Variants in TENM4 observed in about 807,000 individuals in gnomAD.
The protein encoded by TENM4 is teneurin-4.
TENM4 carries 82 observed loss-of-function variants against 243.3 expected under a neutral mutation model. That is an observed-to-expected ratio of 0.34 (90% CI 0.28 to 0.40). TENM4 has a LOEUF of 0.40. Among genes scored for constraint, TENM4 ranks in the 10% least tolerant of loss-of-function variants. The pLI, the probability that TENM4 is intolerant of heterozygous loss-of-function variation, is 1.00. For missense variants in TENM4, 3,138 were observed against 3,673.3 expected (o/e 0.85, Z 3.77); for synonymous variants, 1,412 against 1,456.3 (o/e 0.97, Z 0.69).
intron 6 of TENM4, among the ~76,000 whole-genome samples, chr11:79,006,882 G>A (rs1368672435): frequency 6.6e-6 from 1 of 152,240 alleles, no homozygotes; most frequent in Non-Finnish European, 1.5e-5. Flanking sequence ...ATGTTTCTGT[G>A]AAGGTGTTTT....
chr11:79,391,362 T>C (rs562231), intron 1 of TENM4, among the ~76,000 whole-genome samples: 64,334 of 151,886 alleles, frequency 0.42, 13,635 homozygotes, highest in Non-Finnish European at 0.46. Context: ...TCTCAGTTCC[T>C]TCCTCAGGGC....
intron 1 of TENM4, among the ~76,000 whole-genome samples, chr11:79,361,969 G>C (rs1023389388): frequency 6.6e-6 from 1 of 152,208 alleles, no homozygotes; most frequent in Non-Finnish European, 1.5e-5. Context: ...ACTAGGCCCT[G>C]TGTGCCTCAA....
At chr11:78,945,053 G>A (rs1394205388) in intron 6 of TENM4, among the ~76,000 whole-genome samples, 1 of 152,234 alleles carries the variant, frequency 6.6e-6, no homozygotes, top group African/African-American at 2.4e-5. Context: ...GAAAGCAAGA[G>A]TAATTTTGGA....
At chr11:79,120,272 A>G (rs1388618311) in intron 4 of TENM4, among the ~76,000 whole-genome samples, 1 of 152,244 alleles carries the variant, frequency 6.6e-6, no homozygotes, top group Non-Finnish European at 1.5e-5. Flanking sequence ...GAGATAGCTG[A>G]GGCTTTCTCT....
intron 4 of TENM4, among the ~76,000 whole-genome samples, chr11:79,129,731 C>A (rs1298271110): frequency 6.6e-6 from 1 of 152,114 alleles, no homozygotes; most frequent in African/African-American, 2.4e-5. Flanking sequence ...CACAGCAAGA[C>A]CCACCCAAGG....
chr11:79,397,804 C>T (rs1858376539), intron 1 of TENM4, among the ~76,000 whole-genome samples: 1 of 152,212 alleles, frequency 6.6e-6, no homozygotes. Flanking sequence ...TATGATTTTT[C>T]CCCCTCCTTT....
intron 2 of TENM4, among the ~76,000 whole-genome samples, chr11:79,248,262 C>T (rs1855554118): frequency 6.6e-6 from 1 of 152,198 alleles, no homozygotes. Flanking sequence ...ACAGAGTGTT[C>T]ACTCAATGGC....
chr11:79,315,964 G>A (rs4944227), intron 1 of TENM4, among the ~76,000 whole-genome samples: 30,859 of 152,150 alleles, frequency 0.2, 3,305 homozygotes, highest in African/African-American at 0.27. Flanking sequence ...CGAAACTGCA[G>A]TTACTTTTGC....
intron 7 of TENM4, among the ~76,000 whole-genome samples, chr11:78,898,454 C>T (rs936200453): frequency 6.6e-6 from 1 of 152,202 alleles, no homozygotes; most frequent in Non-Finnish European, 1.5e-5. Flanking sequence ...GGCTCCCATT[C>T]TGGTGGGGAC....
chr11:79,277,591 T>A (rs1344416774), intron 2 of TENM4, among the ~76,000 whole-genome samples: 1 of 152,070 alleles, frequency 6.6e-6, no homozygotes, highest in African/African-American at 2.4e-5. Flanking sequence ...TTGAAAATGG[T>A]GTGAGTGTGC....
At chr11:78,752,821 G>A (rs1856221895) in intron 19 of TENM4, among the ~76,000 whole-genome samples, 1 of 152,078 alleles carries the variant, frequency 6.6e-6, no homozygotes, top group African/African-American at 2.4e-5. Context: ...CTCCTCTCTG[G>A]GTGGTCGCTG....
chr11:78,701,684 C>T lies in TENM4; in HGVS notation c.4929G>A (p.Val1643=), dbSNP rs1440041801. ...RDSTGMPLWL[V]VPDGQVYWVT... is the part of the protein sequence containing the mutation. ...CCCAGTACACCTGGCCATCTGGGACCACCAGCCAGAGGGGCATCCCAGTAG... is the reference window on the plus strand; with the variant it reads ...CCCAGTACACCTGGCCATCTGGGACTACCAGCCAGAGGGGCATCCCAGTAG... Residue 1643 remains valine (V), a synonymous_variant, in exon 28 of 34, where the codon GTG becomes GTA. Coordinates refer to ENST00000278550, the MANE Select transcript of TENM4 (RefSeq NM_001098816.3). The T allele has an allele frequency of 6.2e-7, 1 of 1,613,840 alleles. No homozygotes were observed. The highest frequency in any genetic ancestry group is 1.3e-5 in the African/African-American group (1 of 74,908).
At chr11:78,990,398 G>A (rs1460106845) in intron 6 of TENM4, among the ~76,000 whole-genome samples, 2 of 152,108 alleles carry the variant, frequency 1.3e-5, no homozygotes, top group African/African-American at 4.8e-5. Context: ...CAATAGGACC[G>A]GAGCACCCTG....
At chr11:79,039,748 T>C (rs1859471210) in intron 6 of TENM4, among the ~76,000 whole-genome samples, 1 of 152,224 alleles carries the variant, frequency 6.6e-6, no homozygotes, top group Non-Finnish European at 1.5e-5. Flanking sequence ...CGTGTATACC[T>C]ATGTAACAAA....
chr11:78,823,706 T>C (rs1485100423), intron 12 of TENM4, among the ~76,000 whole-genome samples: 1 of 152,050 alleles, frequency 6.6e-6, no homozygotes, highest in Non-Finnish European at 1.5e-5. Flanking sequence ...TCCTAGAAGC[T>C]TCTCGGTGCC....
At chr11:79,188,428 C>A (rs1190145030) in intron 3 of TENM4, among the ~76,000 whole-genome samples, 1 of 152,002 alleles carries the variant, frequency 6.6e-6, no homozygotes, top group African/African-American at 2.4e-5. Context: ...GATTCATAGA[C>A]CCCAGCTTAT....
intron 28 of TENM4, among the ~76,000 whole-genome samples, chr11:78,693,296 A>ATC (rs1434997676): frequency 6.6e-6 from 1 of 152,200 alleles, no homozygotes; most frequent in African/African-American, 2.4e-5. Context: ...TATTATTATC[A>ATC]TCATTTCACA....
intron 2 of TENM4, among the ~76,000 whole-genome samples, chr11:79,249,702 A>G (rs757119131): frequency 1.3e-5 from 2 of 152,228 alleles, no homozygotes; most frequent in Non-Finnish European, 2.9e-5. Context: ...AAAACCAGAC[A>G]CTTGGATTTG....
At chr11:79,300,783 C>A (rs1856537840) in intron 1 of TENM4, among the ~76,000 whole-genome samples, 1 of 152,164 alleles carries the variant, frequency 6.6e-6, no homozygotes, top group Non-Finnish European at 1.5e-5. Flanking sequence ...GTGTGTTAAT[C>A]TCTTTCCGGT....
Sources: allele counts gnomAD v4.1 joint callset (sites outside exome capture counted in the v4.1 genomes callset), GRCh38; gene constraint gnomAD v4.1.1; transcripts MANE v1.5; gene names NCBI Gene and HGNC (gene_info 2026-07-23, HGNC 2026-07-21).